Variants in EPB41L5 observed in about 807,000 individuals in gnomAD.
EPB41L5 encodes band 4.1-like protein 5.
EPB41L5 carries 55 observed loss-of-function variants against 106.6 expected under a neutral mutation model. That is an observed-to-expected ratio of 0.52 (90% CI 0.42 to 0.65). EPB41L5 has a LOEUF of 0.65. Ranked by LOEUF, EPB41L5 falls within the 30% of genes least tolerant of loss-of-function variation. The probability of loss-of-function intolerance (pLI) is 0.00; values close to 1 mark genes in which losing one functional copy is unlikely to be tolerated. For missense variants in EPB41L5, 871 were observed against 882.1 expected (o/e 0.99, Z 0.16); for synonymous variants, 297 against 306.7 (o/e 0.97, Z 0.33).
intron 20 of EPB41L5, among the ~76,000 whole-genome samples, chr2:120,157,729 A>T (rs1686960798): frequency 6.6e-6 from 1 of 150,908 alleles, no homozygotes; most frequent in Non-Finnish European, 1.5e-5. Flanking sequence ...AGATTGCAGC[A>T]CTGCACTCCA....
rs1170825625 is a variant in EPB41L5 at position 120,077,077 on chromosome 2, A to G, written c.612A>G (p.Lys204=). 6.2e-7 allele frequency: 1 copy of G among 1,612,780 alleles called. No homozygotes were observed. Reference sequence around the variant, plus strand: ...AGATGGAACTGGCTATTTTTGAGAAATGGAAGGAATACAGGTATCTGGCGT... The same window carrying G: ...AGATGGAACTGGCTATTTTTGAGAAGTGGAAGGAATACAGGTATCTGGCGT... The part of the protein sequence containing the change: ...TEEMELAIFE[K]WKEYRGQTPA... The change falls in exon 8 of 25, where the codon AAA becomes AAG. Residue 204 remains lysine (K), a synonymous_variant. Coordinates refer to ENST00000263713, the MANE Select transcript of EPB41L5 (RefSeq NM_020909.4).
intron 11 of EPB41L5, among the ~76,000 whole-genome samples, chr2:120,088,659 T>G (rs2105360993): frequency 6.6e-6 from 1 of 152,336 alleles, no homozygotes; most frequent in East Asian, 1.9e-4. Context: ...CTTTTGTAGG[T>G]ACTGCCAAAC....
At chr2:120,050,412 C>T (rs1021096698) in intron 3 of EPB41L5, among the ~76,000 whole-genome samples, 1 of 152,142 alleles carries the variant, frequency 6.6e-6, no homozygotes, top group Non-Finnish European at 1.5e-5. Context: ...TTCATTTGAT[C>T]TTCAATCACT....
At chr2:120,161,644 A>G (rs1363748168) in intron 21 of EPB41L5, among the ~76,000 whole-genome samples, 1 of 152,162 alleles carries the variant, frequency 6.6e-6, no homozygotes, top group African/African-American at 2.4e-5. Flanking sequence ...ACTCTAGGGC[A>G]TGGGTCCCCA....
chr2:120,046,063 G>GA (rs915088872), intron 3 of EPB41L5, among the ~76,000 whole-genome samples: 5 of 74,928 alleles, frequency 6.7e-5, no homozygotes, highest in Non-Finnish European at 2.0e-4. Flanking sequence ...ATCATTGATG[G>GA]GGTTTGGGTT....
Position 120,127,840 on chromosome 2 carries a change from T to A in EPB41L5, c.1490T>A (p.Val497Asp). The change falls in exon 17 of 25, where the codon GTT becomes GAT. Residue 497 changes from valine to aspartate, a missense_variant. Coordinates refer to ENST00000263713, the MANE Select transcript of EPB41L5 (RefSeq NM_020909.4). ...TRLPGLGEPE[V>D]EYETLKDTSE... ...CTTCCGGGATTAGGGGAACCTGAAG[T>A]TGAATATGAGAGTAAGTAAATGTTC... 6.2e-7 allele frequency: 1 copy of A among 1,610,360 alleles called. No homozygotes were observed. Among genetic ancestry groups the A allele is most frequent in the Non-Finnish European group, 8.5e-7 (1 of 1,177,348 alleles).
At chr2:120,073,031 T>A in intron 3 of EPB41L5, 147 bp from the exon 4 acceptor site, 1 of 634,690 alleles carries the variant, frequency 1.6e-6, no homozygotes, top group Non-Finnish European at 2.7e-6. Flanking sequence ...CCTTCTCACC[T>A]CTTTTCTCAT....
intron 10 of EPB41L5, among the ~76,000 whole-genome samples, chr2:120,086,111 G>C (rs547133222): frequency 6.6e-6 from 1 of 152,196 alleles, no homozygotes; most frequent in Non-Finnish European, 1.5e-5. Context: ...TGAGGCAGGA[G>C]AATTGCTTGA....
At chr2:120,173,827 A>G (rs1687803555) in intron 24 of EPB41L5, among the ~76,000 whole-genome samples, 1 of 152,112 alleles carries the variant, frequency 6.6e-6, no homozygotes, top group African/African-American at 2.4e-5. Context: ...GGCTACAGGC[A>G]TATACCACCC....
intron 16 of EPB41L5, among the ~76,000 whole-genome samples, chr2:120,125,141 G>T (rs1685400519): frequency 6.6e-6 from 1 of 152,142 alleles, no homozygotes. Flanking sequence ...CTTATGTAAA[G>T]AACAACTTTC....
At chr2:120,166,390 T>A (rs1168681463) in intron 22 of EPB41L5, among the ~76,000 whole-genome samples, 1 of 152,216 alleles carries the variant, frequency 6.6e-6, no homozygotes, top group African/African-American at 2.4e-5. Context: ...ATTTATGATA[T>A]TTTTTCTCTC....
At chr2:120,129,343 A>AAAAGAAAG (rs34424739) in intron 17 of EPB41L5, among the ~76,000 whole-genome samples, 12 of 148,472 alleles carry the variant, frequency 8.1e-5, no homozygotes, top group Middle Eastern at 3.5e-3. Context: ...CTCAAAAAAA[A>AAAAGAAAG]AAAGAAAGAA....
intron 3 of EPB41L5, among the ~76,000 whole-genome samples, chr2:120,061,422 A>C (rs1238792170): frequency 1.3e-5 from 2 of 150,758 alleles, no homozygotes; most frequent in Non-Finnish European, 3.0e-5. Flanking sequence ...ACGGGGTTTC[A>C]CCGTTTTAGC....
At position 120,087,174 on chromosome 2, in the gene EPB41L5, G is replaced by T; in HGVS notation, c.807G>T (p.Pro269=). 1 of 1,572,194 alleles carries T rather than the reference G, an allele frequency of 6.4e-7. No individual in the cohort carries two copies. The highest frequency in any genetic ancestry group is 8.7e-7 in the Non-Finnish European group (1 of 1,144,598). The part of the protein sequence containing the change: ...GDTKIGLFFW[P]KITRLDFKKN... ...TTATTCTCTTATTATATTATAGGCC[G>T]AAGATAACCAGATTGGATTTTAAGA... is the stretch of plus-strand genomic sequence containing the variant. The change falls in exon 11 of 25, where the codon CCG becomes CCT. Residue 269 remains proline, a synonymous_variant. Coordinates refer to ENST00000263713, the MANE Select transcript of EPB41L5 (RefSeq NM_020909.4).
chr2:120,051,981 C>T (rs1043203541), intron 3 of EPB41L5, among the ~76,000 whole-genome samples: 6 of 152,174 alleles, frequency 3.9e-5, no homozygotes, highest in East Asian at 1.9e-4. Context: ...TGCACACCAC[C>T]GTGCCTGGCT....
At position 120,106,121 on chromosome 2, in the gene EPB41L5, T is replaced by C. The variant is rs73952033; in HGVS notation, c.1337+5307T>C. On this transcript the variant is annotated intron_variant, in intron 16 of 24. Transcript: ENST00000263713. ...TGTATTTATAATTTGAGTTAATCAG[T>C]ACTGTTACATTTAAGGGAAGATTCA... 1,918 of 985,210 alleles carry C rather than the reference T, an allele frequency of 1.9e-3. 22 individuals are homozygous for C. In the African/African-American group the frequency reaches 0.031, roughly 16 times the overall value. 61.0% of individuals were successfully genotyped at this position (985,210 alleles called of 1,614,324 possible).
chr2:120,120,431 C>A (rs1320331008), intron 16 of EPB41L5, among the ~76,000 whole-genome samples: 558 of 92,568 alleles, frequency 6.0e-3, no homozygotes, highest in Middle Eastern at 0.011. Flanking sequence ...CACTCAATCT[C>A]AAAAAAAAAA....
In EPB41L5 at chr2:120,078,504, G is replaced by T. The variant is rs776078752; in HGVS notation, c.726G>T (p.Gly242=). 1 of 1,604,516 alleles carries T rather than the reference G, an allele frequency of 6.2e-7. No individual in the cohort carries two copies. Among genetic ancestry groups the T allele is most frequent in the Non-Finnish European group, 8.5e-7 (1 of 1,175,838 alleles). ...VDMHVVKARD[G]NDYSLGLTPT... is the part of the protein sequence containing the mutation. ...TCCCCTTAAATTAGGCTAGAGATGG[G>T]AATGACTATAGTTTGGGACTAACAC... is the stretch of plus-strand genomic sequence containing the variant. Residue 242 remains glycine, a synonymous_variant, in exon 10 of 25, where the codon GGG becomes GGT. Transcript: ENST00000263713.
chr2:120,028,090 C>T (rs1165365889), intron 2 of EPB41L5, among the ~76,000 whole-genome samples: 1 of 152,120 alleles, frequency 6.6e-6, no homozygotes, highest in Non-Finnish European at 1.5e-5. Flanking sequence ...TCTTGAACTC[C>T]TGCCCTCAGG....
Sources: gnomAD v4.1 joint callset for allele counts (sites outside exome capture counted in the v4.1 genomes callset) on GRCh38, gnomAD v4.1.1 for gene constraint, MANE v1.5 for transcripts, NCBI Gene and HGNC (gene_info 2026-07-23, HGNC 2026-07-21) for gene names.